HS6ST3: variants seen among roughly 807,000 people sequenced by gnomAD.
HS6ST3 encodes heparan sulfate 6-O-sulfotransferase 3.
A neutral mutation model predicts 36.7 loss-of-function variants in HS6ST3; 12 were observed. That is an observed-to-expected ratio of 0.33 (90% confidence interval 0.21 to 0.53). The LOEUF (loss-of-function observed/expected upper bound fraction) is 0.53. Ranked by LOEUF, HS6ST3 falls within the 20% of genes least tolerant of loss-of-function variation. The pLI is 0.95. For missense variants in HS6ST3, 584 were observed against 640.9 expected (o/e 0.91, Z 0.96); for synonymous variants, 240 against 257.5 (o/e 0.93, Z 0.65).
intron 1 of HS6ST3, among the ~76,000 whole-genome samples, chr13:96,281,822 C>T (rs568287135): frequency 5.9e-5 from 9 of 152,258 alleles, no homozygotes; most frequent in African/African-American, 1.9e-4. Flanking sequence ...TAGGTAACCG[C>T]AGTCTTCATA....
chr13:96,314,146 A>G (rs2054956141), intron 1 of HS6ST3, among the ~76,000 whole-genome samples: 1 of 152,174 alleles, frequency 6.6e-6, no homozygotes, highest in African/African-American at 2.4e-5. Context: ...GGTCTCAGTG[A>G]GTCAGGATCA....
chr13:96,473,668 G>T (rs889641685), intron 1 of HS6ST3, among the ~76,000 whole-genome samples: 1 of 152,138 alleles, frequency 6.6e-6, no homozygotes, highest in South Asian at 2.1e-4. Flanking sequence ...ACACTTCCTG[G>T]CTTTTGCAGA....
intron 1 of HS6ST3, among the ~76,000 whole-genome samples, chr13:96,263,205 T>C (rs1417842660): frequency 1.3e-5 from 2 of 152,158 alleles, no homozygotes; most frequent in Non-Finnish European, 2.9e-5. Context: ...AATACTATGG[T>C]GACATGTCAC....
chr13:96,739,267 GTGTGTGTGTGTT>G, intron 1 of HS6ST3, among the ~76,000 whole-genome samples: 2 of 147,800 alleles, frequency 1.4e-5, no homozygotes, highest in Admixed American at 6.8e-5. Context: ...GTGTGTGTGT[GTGTGTGTGTGTT>G]GGAGTGGGGG....
At chr13:96,095,863 G>GGTGT (rs141939376) in intron 1 of HS6ST3, among the ~76,000 whole-genome samples, 25,679 of 140,138 alleles carry the variant, frequency 0.18, 2,414 homozygotes, top group Middle Eastern at 0.25. Flanking sequence ...TTATATGACT[G>GGTGT]GTGTGTGTGT....
chr13:96,397,748 G>A (rs538400645), intron 1 of HS6ST3, among the ~76,000 whole-genome samples: 107 of 152,332 alleles, frequency 7.0e-4, no homozygotes, highest in South Asian at 4.1e-4. Flanking sequence ...GTTCTTTAGA[G>A]TTTACACAGA....
chr13:96,520,970 A>G (rs1319496715), intron 1 of HS6ST3, among the ~76,000 whole-genome samples: 1 of 152,098 alleles, frequency 6.6e-6, no homozygotes, highest in Non-Finnish European at 1.5e-5. Context: ...TCAGTATGAT[A>G]TTGGCTGTGG....
At chr13:96,121,906 A>G (rs1423652654) in intron 1 of HS6ST3, among the ~76,000 whole-genome samples, 1 of 152,140 alleles carries the variant, frequency 6.6e-6, no homozygotes, top group Non-Finnish European at 1.5e-5. Flanking sequence ...TGGCATTAAC[A>G]TGAGAAAAGG....
At chr13:96,459,954 T>C (rs1037393435) in intron 1 of HS6ST3, among the ~76,000 whole-genome samples, 2 of 152,210 alleles carry the variant, frequency 1.3e-5, no homozygotes, top group African/African-American at 2.4e-5. Context: ...TGAAAGGTTA[T>C]TTGCTTGATT....
At chr13:96,832,452 T>C in intron 1 of HS6ST3, 38 bp from the exon 2 acceptor site, 1 of 1,441,926 alleles carries the variant, frequency 6.9e-7, no homozygotes, top group East Asian at 2.3e-5. Context: ...CCTGTTAGAG[T>C]TGTCAACTAC....
At chr13:96,813,033 A>G (rs1213161856) in intron 1 of HS6ST3, among the ~76,000 whole-genome samples, 1 of 152,192 alleles carries the variant, frequency 6.6e-6, no homozygotes, top group Non-Finnish European at 1.5e-5. Context: ...CTGTGGGATC[A>G]GCACTCTCTG....
intron 1 of HS6ST3, among the ~76,000 whole-genome samples, chr13:96,785,973 T>C (rs543283275): frequency 9.2e-5 from 14 of 152,276 alleles, no homozygotes; most frequent in African/African-American, 2.9e-4. Context: ...GAAACAATAA[T>C]AACAACAAAA....
At chr13:96,320,310 G>A (rs181914333) in intron 1 of HS6ST3, among the ~76,000 whole-genome samples, 2 of 152,248 alleles carry the variant, frequency 1.3e-5, no homozygotes, top group Admixed American at 1.3e-4. Context: ...AAGTACATTT[G>A]TGTCTCTTCC....
intron 1 of HS6ST3, among the ~76,000 whole-genome samples, chr13:96,100,054 G>A (rs533304678): frequency 1.3e-5 from 2 of 152,156 alleles, no homozygotes; most frequent in Admixed American, 1.3e-4. Flanking sequence ...AGTGTAAATT[G>A]GAAGAATGAT....
intron 1 of HS6ST3, among the ~76,000 whole-genome samples, chr13:96,377,125 G>A (rs2055318862): frequency 2.7e-5 from 4 of 150,356 alleles, no homozygotes; most frequent in Non-Finnish European, 4.4e-5. Flanking sequence ...AGCACTTTGG[G>A]AGGCTGAGGT....
chr13:96,388,563 A>G (rs528787831), intron 1 of HS6ST3, among the ~76,000 whole-genome samples: 4 of 152,226 alleles, frequency 2.6e-5, no homozygotes, highest in Admixed American at 2.6e-4. Flanking sequence ...AATTTCTGAC[A>G]ATAAGAAAGG....
intron 1 of HS6ST3, among the ~76,000 whole-genome samples, chr13:96,497,396 T>C (rs2055982638): frequency 6.6e-6 from 1 of 152,190 alleles, no homozygotes; most frequent in Non-Finnish European, 1.5e-5. Flanking sequence ...GTTATTACTA[T>C]CTTTCAGTCA....
chr13:96,560,487 C>T (rs1239477386), intron 1 of HS6ST3, among the ~76,000 whole-genome samples: 3 of 152,146 alleles, frequency 2.0e-5, no homozygotes, highest in Non-Finnish European at 2.9e-5. Context: ...CCACTCTCAC[C>T]ATTCCTATTC....
At chr13:96,689,792 T>C (rs1367515211) in intron 1 of HS6ST3, among the ~76,000 whole-genome samples, 1 of 21,944 alleles carries the variant, frequency 4.6e-5, no homozygotes, top group African/African-American at 1.4e-4. Context: ...AGTTTGTCAA[T>C]GGATGTTTGT....
Sources: allele counts gnomAD v4.1 joint callset (sites outside exome capture counted in the v4.1 genomes callset), GRCh38; gene constraint gnomAD v4.1.1; transcripts MANE v1.5; gene names NCBI Gene and HGNC (gene_info 2026-07-23, HGNC 2026-07-21).